The following KLHL14 variants were observed in gnomAD, a reference collection of about 807,000 sequenced individuals.
KLHL14 encodes kelch like family member 14.
Under a neutral mutation model 64.3 loss-of-function variants are expected in KLHL14, and 22 were observed. The ratio of observed to expected loss-of-function variants is 0.34; its 90% CI spans 0.24 to 0.49. The LOEUF (loss-of-function observed/expected upper bound fraction) is 0.49, where lower values mean the gene tolerates loss of function less well. Ranked by LOEUF, KLHL14 falls within the 20% of genes least tolerant of loss-of-function variation. KLHL14 has a pLI of 0.99. For missense variants in KLHL14, 661 were observed against 789.0 expected (o/e 0.84, Z 1.94); for synonymous variants, 322 against 333.4 (o/e 0.97, Z 0.37).
At chr18:32,748,778 C>T (rs2050237653) in intron 2 of KLHL14, among the ~76,000 whole-genome samples, 1 of 152,136 alleles carries the variant, frequency 6.6e-6, no homozygotes, top group Non-Finnish European at 1.5e-5. Flanking sequence ...GCGTGAGCCA[C>T]TGGGCCTGGC....
chr18:32,771,044 G>A (rs751362121), intron 1 of KLHL14: 8 of 323,272 alleles, frequency 2.5e-5, no homozygotes, highest in South Asian at 1.7e-4. Context: ...TGAAGGGAAA[G>A]GCCGGGAAGT....
intron 3 of KLHL14, among the ~76,000 whole-genome samples, chr18:32,701,527 GAC>G (rs2049966284): frequency 6.6e-6 from 1 of 152,202 alleles, no homozygotes; most frequent in Non-Finnish European, 1.5e-5. Context: ...TCAGCAGGCA[GAC>G]ACAGGCTGAA....
At chr18:32,677,013 A>C (rs2049814536) in intron 8 of KLHL14, among the ~76,000 whole-genome samples, 160 bp downstream of exon 8, 1 of 152,194 alleles carries the variant, frequency 6.6e-6, no homozygotes, top group African/African-American at 2.4e-5. Flanking sequence ...TTCAACAGCC[A>C]CCAGGCTGAT....
intron 2 of KLHL14, among the ~76,000 whole-genome samples, chr18:32,757,784 T>C (rs145963627): frequency 3.9e-4 from 60 of 152,304 alleles, no homozygotes; most frequent in African/African-American, 1.4e-3. Context: ...AATGATCACA[T>C]GAAAACAAAC....
intron 3 of KLHL14, among the ~76,000 whole-genome samples, chr18:32,696,899 C>G (rs1312669177): frequency 1.3e-5 from 2 of 152,084 alleles, no homozygotes; most frequent in Non-Finnish European, 2.9e-5. Flanking sequence ...AGCTTCTTAC[C>G]AAGGGATTTT....
At chr18:32,772,238 A>G (rs897166939) in intron 1 of KLHL14, 12 of 397,428 alleles carry the variant, frequency 3.0e-5, no homozygotes, top group African/African-American at 2.4e-4. Context: ...CCGGCTTCCT[A>G]TTTATACCGG....
chr18:32,746,386 C>T (rs1175582093), intron 2 of KLHL14, among the ~76,000 whole-genome samples: 2 of 152,174 alleles, frequency 1.3e-5, no homozygotes, highest in Non-Finnish European at 2.9e-5. Flanking sequence ...CGTGTGTGCG[C>T]GCCTGTATGC....
chr18:32,746,890 C>T (rs540556367), intron 2 of KLHL14, among the ~76,000 whole-genome samples: 8 of 152,234 alleles, frequency 5.3e-5, no homozygotes, highest in Admixed American at 3.9e-4. Context: ...TTTCAGTTCT[C>T]GACTCTCAGA....
intron 3 of KLHL14, among the ~76,000 whole-genome samples, chr18:32,717,626 C>T (rs2050052914): frequency 6.6e-6 from 1 of 152,170 alleles, no homozygotes; most frequent in Non-Finnish European, 1.5e-5. Flanking sequence ...TTCCAGATCT[C>T]AATGATGCTA....
intron 1 of KLHL14, among the ~76,000 whole-genome samples, chr18:32,772,439 C>A (rs930363503): frequency 6.6e-6 from 1 of 151,402 alleles, no homozygotes; most frequent in African/African-American, 2.4e-5. Context: ...TTCGTTGTCT[C>A]CCCCCGCCCC....
chr18:32,742,253 T>C (rs535365439), intron 2 of KLHL14, among the ~76,000 whole-genome samples: 23 of 152,256 alleles, frequency 1.5e-4, no homozygotes, highest in African/African-American at 4.3e-4. Flanking sequence ...CCCATACTCA[T>C]AGAATAATAA....
intron 4 of KLHL14, among the ~76,000 whole-genome samples, chr18:32,693,374 T>C (rs2144483642): frequency 9.1e-6 from 1 of 110,094 alleles, no homozygotes; most frequent in East Asian, 2.4e-4. Context: ...TAAAAAGGGA[T>C]CTTACACACA....
chr18:32,761,082 T>A (rs2050311439), intron 2 of KLHL14, among the ~76,000 whole-genome samples: 1 of 152,322 alleles, frequency 6.6e-6, no homozygotes, highest in East Asian at 1.9e-4. Flanking sequence ...AAAACAGCAT[T>A]TTATGTTTAG....
chr18:32,768,813 C>T (rs903575144), intron 2 of KLHL14, among the ~76,000 whole-genome samples: 9 of 152,164 alleles, frequency 5.9e-5, no homozygotes, highest in African/African-American at 2.2e-4. Flanking sequence ...CTAGCAACAA[C>T]AGAGGCAGCA....
intron 3 of KLHL14, among the ~76,000 whole-genome samples, chr18:32,718,062 G>A (rs548806243): frequency 2.4e-4 from 37 of 152,190 alleles, no homozygotes; most frequent in South Asian, 1.0e-3. Context: ...ACCTATTGCC[G>A]TAAATCAGAC....
At chr18:32,682,761 C>T (rs1178137266) in intron 5 of KLHL14, among the ~76,000 whole-genome samples, 2 of 152,122 alleles carry the variant, frequency 1.3e-5, no homozygotes, top group Admixed American at 6.5e-5. Flanking sequence ...TTTACCTTTT[C>T]AAGTTAAAGT....
At chr18:32,743,207 A>G (rs770415063) in intron 2 of KLHL14, 1 of 152,266 alleles carries the variant, frequency 6.6e-6, no homozygotes, top group South Asian at 2.1e-4. Flanking sequence ...ATTGAAGGAA[A>G]AAAGTCAATA....
intron 2 of KLHL14, among the ~76,000 whole-genome samples, chr18:32,751,982 C>T (rs1391968403): frequency 6.6e-6 from 1 of 152,120 alleles, no homozygotes; most frequent in African/African-American, 2.4e-5. Context: ...CAAAAATTAG[C>T]TGGGGGTTGT....
chr18:32,691,884 A>G (rs1375615786), intron 4 of KLHL14, among the ~76,000 whole-genome samples: 1 of 152,064 alleles, frequency 6.6e-6, no homozygotes, highest in Non-Finnish European at 1.5e-5. Flanking sequence ...ATTGTTGCTT[A>G]GCACTTGGCT....
Sources: gnomAD v4.1 joint callset for allele counts (sites outside exome capture counted in the v4.1 genomes callset) on GRCh38, gnomAD v4.1.1 for gene constraint, MANE v1.5 for transcripts, NCBI Gene and HGNC (gene_info 2026-07-23, HGNC 2026-07-21) for gene names.